The following GAP43 variants were observed in gnomAD, a reference collection of about 807,000 sequenced individuals.
GAP43 encodes growth associated protein 43, also known as neuromodulin.
Under a neutral mutation model 18.6 loss-of-function variants are expected in GAP43, and 6 were observed. That is an observed-to-expected ratio of 0.32 (90% CI 0.18 to 0.64). The LOEUF (loss-of-function observed/expected upper bound fraction) is 0.64, where lower values mean the gene tolerates loss of function less well. Ranked by LOEUF, GAP43 falls within the 30% of genes least tolerant of loss-of-function variation. The pLI, the probability that GAP43 is intolerant of heterozygous loss-of-function variation, is 0.78. For missense variants in GAP43, 292 were observed against 295.5 expected (o/e 0.99, Z 0.09); for synonymous variants, 115 against 111.4 (o/e 1.03, Z -0.20).
chr3:115,688,289 G>A (rs1292938249), intron 2 of GAP43, among the ~76,000 whole-genome samples: 5 of 152,074 alleles, frequency 3.3e-5, no homozygotes, highest in African/African-American at 9.7e-5. Flanking sequence ...AAAGTGCTGG[G>A]ATTGTAGGCA....
intron 1 of GAP43, among the ~76,000 whole-genome samples, chr3:115,639,506 T>A (rs1708371191): frequency 6.6e-6 from 1 of 152,082 alleles, no homozygotes; most frequent in South Asian, 2.1e-4. Context: ...CCTGGTGAGG[T>A]TTCAGATCTT....
intron 2 of GAP43, among the ~76,000 whole-genome samples, chr3:115,704,438 G>C (rs900490347): frequency 6.6e-6 from 1 of 152,016 alleles, no homozygotes; most frequent in African/African-American, 2.4e-5. Flanking sequence ...ACTAATTTTA[G>C]AGGTCTCCAC....
intron 2 of GAP43, among the ~76,000 whole-genome samples, chr3:115,715,757 T>C (rs948304092): frequency 1.3e-5 from 2 of 152,234 alleles, no homozygotes; most frequent in African/African-American, 4.8e-5. Context: ...CTGCTTTTAA[T>C]GGTACAATTT....
intron 2 of GAP43, among the ~76,000 whole-genome samples, chr3:115,708,098 T>C (rs762201278): frequency 1.4e-4 from 22 of 152,188 alleles, no homozygotes; most frequent in Non-Finnish European, 2.8e-4. Flanking sequence ...TGGTATTCAC[T>C]GGTGAACAAA....
At position 115,670,842 on chromosome 3, in the gene GAP43, G is replaced by A. The variant is rs147587874; in HGVS notation, c.31-5171G>A. Among the ~76,000 whole-genome samples, 1,001 of 152,138 alleles carry A rather than the reference G, an allele frequency of 6.6e-3. 10 individuals carry two copies. The highest frequency in any genetic ancestry group is 0.023 in the African/African-American group (936 of 41,506). ...AAAAAACATTGCTTAGGATATCTCC[G>A]GCCTTTCAAGTTTGTTCTCAAAAAT... On this transcript the variant is annotated intron_variant, in intron 1 of 2. Coordinates refer to ENST00000305124, the MANE Select transcript of GAP43 (RefSeq NM_002045.4).
chr3:115,650,370 G>C (rs1708506718), intron 1 of GAP43, among the ~76,000 whole-genome samples: 1 of 152,130 alleles, frequency 6.6e-6, no homozygotes, highest in African/African-American at 2.4e-5. Context: ...CCTCAGTACT[G>C]ATTATGTGCA....
intron 2 of GAP43, among the ~76,000 whole-genome samples, chr3:115,694,712 ATTTT>A (rs1165610999): frequency 6.6e-6 from 1 of 152,162 alleles, no homozygotes; most frequent in African/African-American, 2.4e-5. Context: ...TTCCATAATT[ATTTT>A]TTATTTTTCA....
intron 2 of GAP43, among the ~76,000 whole-genome samples, chr3:115,687,102 T>C (rs1709044764): frequency 1.0e-5 from 1 of 100,342 alleles, no homozygotes; most frequent in Non-Finnish European, 1.9e-5. Context: ...GAAGATGTCC[T>C]GAAATCCCCC....
chr3:115,675,758 CAAAAAAAAAAAAAAAAAA>C (rs67744380), intron 1 of GAP43, among the ~76,000 whole-genome samples: 1 of 50,528 alleles, frequency 2.0e-5, no homozygotes, highest in Non-Finnish European at 3.3e-5. Context: ...GACTCTATCT[CAAAAAAAAAAAAAAAAAA>C]AAAAAAAAAA....
At chr3:115,675,977 T>G (rs766844968) in intron 1 of GAP43, 36 bp from the exon 2 acceptor site, 2 of 1,557,402 alleles carry the variant, frequency 1.3e-6, no homozygotes, top group South Asian at 2.5e-5. Context: ...AGAATGTCAT[T>G]GAAGCCCTCT....
chr3:115,677,057 C>G (rs1010177898), intron 2 of GAP43, among the ~76,000 whole-genome samples: 4 of 152,236 alleles, frequency 2.6e-5, no homozygotes, highest in Non-Finnish European at 2.9e-5. Context: ...TCTTCTTGAT[C>G]CAGATTATAT....
chr3:115,634,239 C>T (rs1450311537), intron 1 of GAP43, among the ~76,000 whole-genome samples: 1 of 152,140 alleles, frequency 6.6e-6, no homozygotes, highest in African/African-American at 2.4e-5. Context: ...TAAGTGGCTG[C>T]AGAACTTCTT....
intron 2 of GAP43, among the ~76,000 whole-genome samples, chr3:115,690,196 G>C (rs548363751): frequency 4.0e-4 from 61 of 152,270 alleles, no homozygotes; most frequent in African/African-American, 1.4e-3. Flanking sequence ...GGCAGATGGG[G>C]CACAGCTCCC....
intron 2 of GAP43, among the ~76,000 whole-genome samples, chr3:115,696,474 A>G (rs1333999262): frequency 6.6e-6 from 1 of 150,738 alleles, no homozygotes; most frequent in Non-Finnish European, 1.5e-5. Flanking sequence ...TCAAAGCTCC[A>G]TGTTCTCAGC....
At chr3:115,628,576 T>G (rs1250632128) in intron 1 of GAP43, among the ~76,000 whole-genome samples, 1 of 152,172 alleles carries the variant, frequency 6.6e-6, no homozygotes, top group South Asian at 2.1e-4. Flanking sequence ...TTACATCTTA[T>G]TTGATGTCTC....
At chr3:115,638,039 A>G (rs1708352654) in intron 1 of GAP43, among the ~76,000 whole-genome samples, 1 of 151,836 alleles carries the variant, frequency 6.6e-6, no homozygotes, top group Admixed American at 6.6e-5. Context: ...ATATGTCTTG[A>G]CTCTATCCAC....
chr3:115,626,199 T>C (rs949716546), intron 1 of GAP43, among the ~76,000 whole-genome samples: 1 of 152,220 alleles, frequency 6.6e-6, no homozygotes, highest in Non-Finnish European at 1.5e-5. Context: ...CCCATCCTTC[T>C]GCTGGCATCT....
intron 1 of GAP43, among the ~76,000 whole-genome samples, chr3:115,639,126 AG>A (rs1220520406): frequency 6.6e-6 from 1 of 152,096 alleles, no homozygotes; most frequent in Non-Finnish European, 1.5e-5. Context: ...ACTAAGGCAA[AG>A]GTTGGCCAGC....
chr3:115,663,662 T>G, intron 1 of GAP43: 1 of 1,434,468 alleles, frequency 7.0e-7, no homozygotes, highest in African/African-American at 1.4e-5. Flanking sequence ...TTAAAAAATT[T>G]TATTTCTACT....
Sources: allele counts gnomAD v4.1 joint callset (sites outside exome capture counted in the v4.1 genomes callset), GRCh38; gene constraint gnomAD v4.1.1; transcripts MANE v1.5; gene names NCBI Gene and HGNC (gene_info 2026-07-23, HGNC 2026-07-21).